Variants in ST8SIA5 observed in about 807,000 individuals in gnomAD.
The protein encoded by ST8SIA5 is ST8 alpha-N-acetyl-neuraminide alpha-2,8-sialyltransferase 5, also known as alpha-2,8-sialyltransferase 8E.
A neutral mutation model predicts 40.2 loss-of-function variants in ST8SIA5; 24 were observed. That is an observed-to-expected ratio of 0.60 (90% CI 0.43 to 0.84). The LOEUF is 0.84. ST8SIA5 is among the 40% of genes least tolerant of loss of function. The pLI, the probability that ST8SIA5 is intolerant of heterozygous loss-of-function variation, is 0.00. For missense variants in ST8SIA5, 465 were observed against 498.5 expected (o/e 0.93, Z 0.64); for synonymous variants, 198 against 201.8 (o/e 0.98, Z 0.16).
At chr18:46,742,263 A>T (rs2040094221) in intron 1 of ST8SIA5, among the ~76,000 whole-genome samples, 2 of 152,158 alleles carry the variant, frequency 1.3e-5, no homozygotes, top group African/African-American at 4.8e-5. Context: ...TACAATTAGG[A>T]TTAATCATAC....
intron 1 of ST8SIA5, among the ~76,000 whole-genome samples, chr18:46,739,348 C>T (rs2040066171): frequency 6.6e-6 from 1 of 152,126 alleles, no homozygotes; most frequent in Admixed American, 6.6e-5. Context: ...TCAAGACCAG[C>T]CTGGCCAACA....
intron 1 of ST8SIA5, among the ~76,000 whole-genome samples, chr18:46,716,143 G>C (rs1233579242): frequency 6.7e-6 from 1 of 148,370 alleles, no homozygotes; most frequent in Non-Finnish European, 1.5e-5. Flanking sequence ...TAGATATAGT[G>C]CTCCAGCTCC....
At chr18:46,712,288 C>G (rs950513927) in intron 1 of ST8SIA5, among the ~76,000 whole-genome samples, 3 of 152,210 alleles carry the variant, frequency 2.0e-5, no homozygotes, top group Non-Finnish European at 2.9e-5. Context: ...ACTTTGACCA[C>G]CATGCCCACA....
intron 1 of ST8SIA5, among the ~76,000 whole-genome samples, chr18:46,736,678 A>G (rs2040037561): frequency 6.6e-6 from 1 of 152,092 alleles, no homozygotes; most frequent in Non-Finnish European, 1.5e-5. Context: ...GGGAGTTGGC[A>G]GGTTGGAGGA....
chr18:46,739,282 C>T (rs1422486382), intron 1 of ST8SIA5, among the ~76,000 whole-genome samples: 1 of 152,192 alleles, frequency 6.6e-6, no homozygotes, highest in Non-Finnish European at 1.5e-5. Flanking sequence ...TGGCTCATGC[C>T]TGTAATCCCA....
chr18:46,700,686 C>T (rs1462390313), intron 2 of ST8SIA5, among the ~76,000 whole-genome samples: 3 of 152,162 alleles, frequency 2.0e-5, no homozygotes, highest in Non-Finnish European at 4.4e-5. Context: ...CATGCAAAGC[C>T]CAGCTCAGCC....
intron 5 of ST8SIA5, 200 bp downstream of exon 5, chr18:46,685,973 TG>T: frequency 1.7e-6 from 1 of 602,666 alleles, no homozygotes; most frequent in South Asian, 2.0e-5. Flanking sequence ...TGTGCAGATG[TG>T]GAAACTGAGG....
intron 2 of ST8SIA5, among the ~76,000 whole-genome samples, chr18:46,699,982 A>G (rs886841094): frequency 6.6e-6 from 1 of 152,146 alleles, no homozygotes; most frequent in African/African-American, 2.4e-5. Flanking sequence ...TGGCAGAAAA[A>G]TGGGGAAGGG....
In ST8SIA5 at chr18:46,668,594, T is replaced by A. The variant is rs1341368675; in HGVS notation, c.*11448A>T. ...TATGCTTATTGAGATACAGTGTTAA[T>A]TTTTAAGAAAATACATAGACAAATG... is the stretch of plus-strand genomic sequence containing the variant. On this transcript the variant is annotated 3_prime_UTR_variant, in exon 7 of 7. Coordinates refer to ENST00000315087, the MANE Select transcript of ST8SIA5 (RefSeq NM_013305.6). The A allele has an allele frequency of 6.6e-6, 1 of 152,324 alleles. No individual in the cohort carries two copies. Among genetic ancestry groups the A allele is most frequent in the African/African-American group, 2.4e-5 (1 of 41,466 alleles). The allele number at this position is 152,324 out of a possible 1,614,324, so 9.4% of individuals were successfully genotyped here.
At chr18:46,689,740 ATT>A (rs961770000) in intron 3 of ST8SIA5, among the ~76,000 whole-genome samples, 38 of 128,060 alleles carry the variant, frequency 3.0e-4, no homozygotes, top group Admixed American at 3.9e-4. Flanking sequence ...TGCCTGGCTA[ATT>A]TTTTTTTTTT....
At chr18:46,709,719 G>A (rs866178071) in intron 1 of ST8SIA5, among the ~76,000 whole-genome samples, 1 of 152,154 alleles carries the variant, frequency 6.6e-6, no homozygotes, top group African/African-American at 2.4e-5. Context: ...TTATATATAC[G>A]TATGTGAAAG....
intron 1 of ST8SIA5, among the ~76,000 whole-genome samples, chr18:46,723,601 A>G (rs1363195385): frequency 6.6e-6 from 1 of 151,988 alleles, no homozygotes; most frequent in Admixed American, 6.6e-5. Flanking sequence ...GAAACACTTA[A>G]AAAAAGAATG....
At chr18:46,743,909 T>A (rs1232782042) in intron 1 of ST8SIA5, among the ~76,000 whole-genome samples, 3 of 152,174 alleles carry the variant, frequency 2.0e-5, no homozygotes, top group African/African-American at 7.2e-5. Flanking sequence ...GGGCCAATAT[T>A]CAACATTCTT....
At chr18:46,687,338 T>C (rs935541286) in intron 4 of ST8SIA5, among the ~76,000 whole-genome samples, 1 of 152,336 alleles carries the variant, frequency 6.6e-6, no homozygotes, top group East Asian at 1.9e-4. Flanking sequence ...AGGTGAGTAG[T>C]AGTGACAGAG....
intron 1 of ST8SIA5, chr18:46,721,545 G>T: frequency 8.0e-7 from 1 of 1,243,524 alleles, no homozygotes; most frequent in Non-Finnish European, 1.1e-6. Context: ...GCCACATTCT[G>T]TTGCTGTGCC....
intron 1 of ST8SIA5, among the ~76,000 whole-genome samples, chr18:46,709,994 G>A (rs1426224215): frequency 6.6e-6 from 1 of 152,074 alleles, no homozygotes; most frequent in Non-Finnish European, 1.5e-5. Context: ...AGCCTCTCAA[G>A]GTGAGTTCGT....
chr18:46,732,955 C>G (rs1193571328), intron 1 of ST8SIA5, among the ~76,000 whole-genome samples: 1 of 152,162 alleles, frequency 6.6e-6, no homozygotes, highest in East Asian at 1.9e-4. Context: ...AGCTTGAGAT[C>G]GCTCTGTCCA....
At chr18:46,749,683 T>G (rs1047623724) in intron 1 of ST8SIA5, among the ~76,000 whole-genome samples, 61 of 152,368 alleles carry the variant, frequency 4.0e-4, no homozygotes, top group African/African-American at 1.4e-3. Context: ...AAAGATAATT[T>G]GTACGATAAT....
At chr18:46,748,429 T>C (rs1157737354) in intron 1 of ST8SIA5, among the ~76,000 whole-genome samples, 1 of 151,394 alleles carries the variant, frequency 6.6e-6, no homozygotes, top group East Asian at 1.9e-4. Context: ...CCAGGCATGA[T>C]GGTATATACC....
Sources: allele counts gnomAD v4.1 joint callset (sites outside exome capture counted in the v4.1 genomes callset), GRCh38; gene constraint gnomAD v4.1.1; transcripts MANE v1.5; gene names NCBI Gene and HGNC (gene_info 2026-07-23, HGNC 2026-07-21).